GRIA2: variants seen among roughly 807,000 people sequenced by gnomAD.
GRIA2 encodes the protein glutamate ionotropic receptor AMPA type subunit 2.
In GRIA2, 14 loss-of-function variants were observed where a neutral mutation model predicts 97.3. The observed-to-expected ratio is 0.14, with a 90% CI of 0.10 to 0.23. The LOEUF (loss-of-function observed/expected upper bound fraction) is 0.23, where lower values mean the gene tolerates loss of function less well. Among genes scored for constraint, GRIA2 ranks in the 10% least tolerant of loss-of-function variants. The probability of loss-of-function intolerance (pLI) is 1.00; values close to 1 mark genes in which losing one functional copy is unlikely to be tolerated. For synonymous variants in GRIA2, 412 were observed against 387.8 expected (o/e 1.06, Z -0.73); for missense variants, 558 against 1,069.8 (o/e 0.52, Z 6.67).
Position 157,331,361 on chromosome 4 carries a change from T to C in GRIA2, c.883-1458T>C, listed in dbSNP as rs186383134. Among the ~76,000 whole-genome samples the C allele has an allele frequency of 2.2e-4, 33 of 152,054 alleles. No individual in the cohort carries two copies. The East Asian group carries it at 5.4e-3, about 25-fold the overall frequency. Reference sequence around the variant, plus strand: ...CGGCTTTATAGCTTTCCCTTAGTAATGTGAGCAAGCTAAGTCAAAAATGTT... The same window carrying C: ...CGGCTTTATAGCTTTCCCTTAGTAACGTGAGCAAGCTAAGTCAAAAATGTT... On this transcript the variant is annotated intron_variant, in intron 6 of 15. Transcript: ENST00000264426.
intron 13 of GRIA2, 62 bp downstream of exon 13, chr4:157,360,205 A>G (rs906151739): frequency 4.6e-6 from 7 of 1,527,768 alleles, no homozygotes; most frequent in Non-Finnish European, 6.3e-6. Context: ...ACCCTGATGT[A>G]TCTTTAAGAC....
intron 12 of GRIA2, among the ~76,000 whole-genome samples, chr4:157,356,916 A>C (rs543646185): frequency 6.6e-6 from 1 of 152,268 alleles, no homozygotes; most frequent in African/African-American, 2.4e-5. Context: ...CACAAAAGTA[A>C]TTGTGGTTCT....
intron 6 of GRIA2, among the ~76,000 whole-genome samples, chr4:157,326,461 C>T (rs2126917793): frequency 6.6e-6 from 1 of 152,282 alleles, no homozygotes; most frequent in South Asian, 2.1e-4. Context: ...AATAAATCCT[C>T]ATACATAGTA....
intron 2 of GRIA2, among the ~76,000 whole-genome samples, chr4:157,248,091 C>T (rs1730815105): frequency 6.6e-6 from 1 of 151,046 alleles, no homozygotes; most frequent in Admixed American, 6.6e-5. Context: ...TATCATATAT[C>T]ATATTTTATA....
At chr4:157,280,342 G>A (rs4365771) in intron 2 of GRIA2, among the ~76,000 whole-genome samples, 54,238 of 151,892 alleles carry the variant, frequency 0.36, 10,212 homozygotes, top group African/African-American at 0.48. Context: ...GAACAAGCAA[G>A]TAGAGAGTTA....
chr4:157,241,868 C>A (rs9307959), intron 2 of GRIA2, among the ~76,000 whole-genome samples: 1 of 151,816 alleles, frequency 6.6e-6, no homozygotes, highest in Non-Finnish European at 1.5e-5. Context: ...CAAAAAGTAA[C>A]ACTGAGCATT....
chr4:157,278,484 T>G (rs1296444259), intron 2 of GRIA2, among the ~76,000 whole-genome samples: 1 of 151,908 alleles, frequency 6.6e-6, no homozygotes, highest in African/African-American at 2.4e-5. Context: ...AAAGGGAGCA[T>G]AGGACTAAAT....
chr4:157,236,957 G>C (rs1448917193), intron 2 of GRIA2, among the ~76,000 whole-genome samples: 1 of 151,982 alleles, frequency 6.6e-6, no homozygotes, highest in African/African-American at 2.4e-5. Context: ...TCGCTTTTTG[G>C]AATGACAATT....
intron 6 of GRIA2, among the ~76,000 whole-genome samples, chr4:157,328,562 C>T (rs1245399034): frequency 6.6e-6 from 1 of 152,028 alleles, no homozygotes; most frequent in Non-Finnish European, 1.5e-5. Context: ...GGGATGTGTT[C>T]AACCAACAAA....
At chr4:157,241,752 C>T (rs1730521907) in intron 2 of GRIA2, among the ~76,000 whole-genome samples, 2 of 152,012 alleles carry the variant, frequency 1.3e-5, no homozygotes, top group Admixed American at 1.3e-4. Flanking sequence ...ATCCCCTCTT[C>T]CTCATTGTAT....
At chr4:157,232,300 G>A (rs950911344) in intron 2 of GRIA2, among the ~76,000 whole-genome samples, 2 of 152,166 alleles carry the variant, frequency 1.3e-5, no homozygotes, top group East Asian at 3.9e-4. Context: ...TGCAAGTCTG[G>A]CAGAGAAAGA....
rs561603590 is a variant in GRIA2, at chr4:157,236,093, A to G, written c.229+14286A>G. On this transcript the variant is annotated intron_variant, in intron 2 of 15. Transcript: ENST00000264426. ...TGAAAAAAGTTGATGCAGCTTTAACATGTAACAAAAATTATCTAATAGAAT... is the reference window on the plus strand; with the variant it reads ...TGAAAAAAGTTGATGCAGCTTTAACGTGTAACAAAAATTATCTAATAGAAT... Among the ~76,000 whole-genome samples the G allele has an allele frequency of 3.9e-5, 6 of 152,170 alleles. No homozygotes were observed. In the East Asian group the frequency reaches 1.2e-3, roughly 29 times the overall value.
At chr4:157,322,253 G>A (rs1031281704) in intron 6 of GRIA2, among the ~76,000 whole-genome samples, 2 of 144,746 alleles carry the variant, frequency 1.4e-5, no homozygotes, top group African/African-American at 5.2e-5. Flanking sequence ...GTGTGTGTGT[G>A]TGTGTGTGTG....
At chr4:157,288,419 G>C (rs907758208) in intron 2 of GRIA2, among the ~76,000 whole-genome samples, 1 of 151,102 alleles carries the variant, frequency 6.6e-6, no homozygotes, top group South Asian at 2.1e-4. Context: ...CGGGTTACTC[G>C]ATCTCCATTG....
Position 157,237,854 on chromosome 4 carries a change from T to C in GRIA2, c.229+16047T>C, listed in dbSNP as rs139430780. On this transcript the variant is annotated intron_variant, in intron 2 of 15. Transcript: ENST00000264426. ...TATTATGTTTTTTTGGCTTGTGTCA[T>C]AGCAGTAATATCACTTAAATGGACT... Among the ~76,000 whole-genome samples the C allele has an allele frequency of 2.0e-5, 3 of 152,268 alleles. No homozygotes were observed. The East Asian group carries it at 5.8e-4, about 29-fold the overall frequency.
intron 11 of GRIA2, among the ~76,000 whole-genome samples, chr4:157,338,049 T>TATATATATATATAC (rs1491096751): frequency 2.1e-4 from 2 of 9,722 alleles, no homozygotes; most frequent in Non-Finnish European, 7.3e-4. Flanking sequence ...TATATATATA[T>TATATATATATATAC]ACACACACAT....
At chr4:157,288,715 TG>T (rs753510996) in intron 2 of GRIA2, among the ~76,000 whole-genome samples, 23 of 151,820 alleles carry the variant, frequency 1.5e-4, no homozygotes, top group Non-Finnish European at 3.1e-4. Flanking sequence ...CTCTGTAGTT[TG>T]TATTCAGATA....
chr4:157,352,931 C>T (rs916079100), intron 12 of GRIA2, among the ~76,000 whole-genome samples: 3 of 151,834 alleles, frequency 2.0e-5, no homozygotes, highest in African/African-American at 7.3e-5. Context: ...TGTTGGCGGG[C>T]GCCTGTAATC....
At chr4:157,354,776 G>C (rs1031968723) in intron 12 of GRIA2, among the ~76,000 whole-genome samples, 18 of 152,290 alleles carry the variant, frequency 1.2e-4, no homozygotes, top group African/African-American at 4.3e-4. Flanking sequence ...CATTAGGGTA[G>C]TGCGTATGTT....
Sources: allele counts gnomAD v4.1 joint callset (sites outside exome capture counted in the v4.1 genomes callset), GRCh38; gene constraint gnomAD v4.1.1; transcripts MANE v1.5; gene names NCBI Gene and HGNC (gene_info 2026-07-23, HGNC 2026-07-21).